RBFOX1: variants seen among roughly 807,000 people sequenced by gnomAD.
The protein encoded by RBFOX1 is RNA binding fox-1 homolog 1.
Under a neutral mutation model 57.7 loss-of-function variants are expected in RBFOX1, and 8 were observed. The observed-to-expected ratio is 0.14, with a 90% CI of 0.08 to 0.25. RBFOX1 has a LOEUF of 0.25. Among genes scored for constraint, RBFOX1 ranks in the 10% least tolerant of loss-of-function variants. The pLI is 1.00. For synonymous variants in RBFOX1, 326 were observed against 222.4 expected, an observed-to-expected ratio of 1.47 and a Z score of -4.15; for missense variants, 611 against 548.5, an observed-to-expected ratio of 1.11 and a Z score of -1.14.
chr16:6,743,490 C>T (rs914948219), intron 3 of RBFOX1, among the ~76,000 whole-genome samples: 1 of 152,022 alleles, frequency 6.6e-6, no homozygotes, highest in Non-Finnish European at 1.5e-5. Flanking sequence ...ACCTGTAGTC[C>T]CAGCACTTTG....
chr16:6,930,407 TTTGTTATTG>T (rs1384055755), intron 3 of RBFOX1, among the ~76,000 whole-genome samples: 3 of 152,022 alleles, frequency 2.0e-5, no homozygotes, highest in Non-Finnish European at 2.9e-5. Context: ...GATGGCTATT[TTTGTTATTG>T]TTGTTATTGT....
At chr16:6,915,966 C>T (rs2073060320) in intron 3 of RBFOX1, among the ~76,000 whole-genome samples, 1 of 151,904 alleles carries the variant, frequency 6.6e-6, no homozygotes, top group East Asian at 1.9e-4. Flanking sequence ...AAGTACAAGG[C>T]AGAAAAATCC....
chr16:7,024,519 A>G (rs952472842), intron 3 of RBFOX1, among the ~76,000 whole-genome samples: 1 of 152,122 alleles, frequency 6.6e-6, no homozygotes, highest in Admixed American at 6.6e-5. Flanking sequence ...CCCTTGTGCA[A>G]AAATTCTTTG....
chr16:5,328,949 G>T (rs926704504), intron 1 of RBFOX1, among the ~76,000 whole-genome samples: 4 of 152,176 alleles, frequency 2.6e-5, no homozygotes, highest in African/African-American at 9.7e-5. Flanking sequence ...TCCAGGAGAT[G>T]CTTCCGAATA....
At chr16:6,300,358 CAT>C (rs1490453913) in intron 1 of RBFOX1, among the ~76,000 whole-genome samples, 6 of 152,256 alleles carry the variant, frequency 3.9e-5, no homozygotes, top group East Asian at 1.9e-4. Flanking sequence ...TAAGTATACA[CAT>C]GTTAATTAGC....
At chr16:6,911,385 G>A (rs1412793943) in intron 3 of RBFOX1, among the ~76,000 whole-genome samples, 1 of 152,090 alleles carries the variant, frequency 6.6e-6, no homozygotes, top group Non-Finnish European at 1.5e-5. Context: ...TCTAAGGGCT[G>A]GGAGGAGGAA....
intron 3 of RBFOX1, among the ~76,000 whole-genome samples, chr16:6,907,155 T>G (rs2070220539): frequency 6.6e-6 from 1 of 152,230 alleles, no homozygotes; most frequent in African/African-American, 2.4e-5. Context: ...TTTCTGTGTT[T>G]TACAACTTGG....
intron 2 of RBFOX1, among the ~76,000 whole-genome samples, chr16:5,477,037 C>G (rs184631436): frequency 6.6e-6 from 1 of 152,128 alleles, no homozygotes; most frequent in Non-Finnish European, 1.5e-5. Context: ...TTTTTTGAGA[C>G]AGGTCTCGCT....
At position 6,025,552 on chromosome 16, in the gene RBFOX1, T is replaced by G. The variant is rs1406091487; in HGVS notation, c.-127+5560T>G. ...GCACCCTCCCACCACCACATCCTTT[T>G]GATGGCTTGACTGACAAGTCTCCTG... On this transcript the variant is annotated intron_variant, in intron 1 of 15. Coordinates refer to ENST00000550418, the MANE Select transcript of RBFOX1 (RefSeq NM_018723.4). Among the ~76,000 whole-genome samples, 10 of 152,328 alleles carry G rather than the reference T, an allele frequency of 6.6e-5. No homozygotes were observed. The East Asian group carries it at 1.9e-3, about 30-fold the overall frequency.
chr16:7,377,024 G>A (rs9938562), intron 4 of RBFOX1, among the ~76,000 whole-genome samples: 18,608 of 152,136 alleles, frequency 0.12, 1,334 homozygotes, highest in African/African-American at 0.21. Flanking sequence ...ATAGGTCCCT[G>A]TAAAGATTTC....
chr16:6,937,828 A>G (rs2077635804), intron 3 of RBFOX1, among the ~76,000 whole-genome samples: 1 of 151,928 alleles, frequency 6.6e-6, no homozygotes, highest in African/African-American at 2.4e-5. Flanking sequence ...TTCTTTTCAG[A>G]CTTAAGGTCT....
intron 3 of RBFOX1, among the ~76,000 whole-genome samples, chr16:5,817,923 C>G (rs1441618980): frequency 6.6e-6 from 1 of 151,942 alleles, no homozygotes; most frequent in Admixed American, 6.5e-5. Flanking sequence ...ATCTCCTGAC[C>G]TCATGTTCTA....
chr16:5,985,549 G>A (rs1261045583), intron 4 of RBFOX1, among the ~76,000 whole-genome samples: 1 of 152,164 alleles, frequency 6.6e-6, no homozygotes, highest in African/African-American at 2.4e-5. Flanking sequence ...TAATAGCAGA[G>A]GGAAGGTTCA....
intron 2 of RBFOX1, among the ~76,000 whole-genome samples, chr16:6,624,034 G>A (rs1320309715): frequency 1.3e-5 from 2 of 152,166 alleles, no homozygotes; most frequent in Admixed American, 1.3e-4. Context: ...TTCCACAATG[G>A]TTGAACTAGT....
intron 1 of RBFOX1, among the ~76,000 whole-genome samples, chr16:6,201,322 C>T (rs1194654041): frequency 1.3e-5 from 2 of 152,130 alleles, no homozygotes; most frequent in African/African-American, 4.8e-5. Context: ...AGAGAGCCAG[C>T]AGAAGGATTG....
At chr16:5,334,074 T>C (rs529846151) in intron 1 of RBFOX1, among the ~76,000 whole-genome samples, 1 of 150,902 alleles carries the variant, frequency 6.6e-6, no homozygotes, top group Admixed American at 6.6e-5. Context: ...GAGTACTCTT[T>C]CTTACAGACT....
intron 4 of RBFOX1, among the ~76,000 whole-genome samples, chr16:7,147,818 T>C (rs939764090): frequency 6.6e-6 from 1 of 152,218 alleles, no homozygotes; most frequent in African/African-American, 2.4e-5. Context: ...GATTTATTTT[T>C]CTTTGGGCAT....
At chr16:5,836,786 C>G (rs2056472414) in intron 3 of RBFOX1, among the ~76,000 whole-genome samples, 1 of 152,188 alleles carries the variant, frequency 6.6e-6, no homozygotes, top group Admixed American at 6.5e-5. Context: ...ACAAATGTCT[C>G]CTGACATTGC....
intron 3 of RBFOX1, among the ~76,000 whole-genome samples, chr16:6,743,593 T>C (rs980859351): frequency 6.6e-6 from 1 of 151,518 alleles, no homozygotes; most frequent in Non-Finnish European, 1.5e-5. Context: ...AATTTAAAAA[T>C]TGAAGTGAGC....
Sources: allele counts gnomAD v4.1 joint callset (sites outside exome capture counted in the v4.1 genomes callset), GRCh38; gene constraint gnomAD v4.1.1; transcripts MANE v1.5; gene names NCBI Gene and HGNC (gene_info 2026-07-23, HGNC 2026-07-21).